SLC22A24: variants seen among roughly 807,000 people sequenced by gnomAD.
SLC22A24 encodes the protein steroid transmembrane transporter SLC22A24.
Under a neutral mutation model 49.8 loss-of-function variants are expected in SLC22A24, and 53 were observed. That is an observed-to-expected ratio of 1.06 (90% confidence interval 0.85 to 1.34). The LOEUF is 1.34. Ranked by LOEUF, SLC22A24 falls within the 40% of genes most tolerant of loss-of-function variation. The pLI, the probability that SLC22A24 is intolerant of heterozygous loss-of-function variation, is 0.00. For synonymous variants in SLC22A24, 302 were observed against 256.4 expected (o/e 1.18, Z -1.70); for missense variants, 786 against 675.9 (o/e 1.16, Z -1.81).
At chr11:63,110,114 C>G (rs2087151928) in intron 4 of SLC22A24, among the ~76,000 whole-genome samples, 1 of 151,654 alleles carries the variant, frequency 6.6e-6, no homozygotes, top group South Asian at 2.1e-4. Context: ...AATCCTTTCC[C>G]CATTGCTTGT....
At chr11:63,096,215 A>C in intron 5 of SLC22A24, 109 bp from the exon 6 acceptor site, 1 of 692,660 alleles carries the variant, frequency 1.4e-6, no homozygotes, top group Non-Finnish European at 2.5e-6. Flanking sequence ...ATCCTCAAGG[A>C]AATTTCTGTC....
chr11:63,120,844 G>T (rs2087246878), intron 2 of SLC22A24, among the ~76,000 whole-genome samples: 1 of 151,870 alleles, frequency 6.6e-6, no homozygotes, highest in Non-Finnish European at 1.5e-5. Flanking sequence ...TTTGTATGAG[G>T]CAACTTAGAA....
Position 63,134,693 on chromosome 11 carries a change from C to T in SLC22A24, c.478G>A (p.Gly160Ser), listed in dbSNP as rs772320422. The T allele has an allele frequency of 1.3e-6, 2 of 1,552,962 alleles. No individual in the cohort carries two copies. The highest frequency in any genetic ancestry group is 1.9e-5 in the Admixed American group (1 of 51,358). ...SLFMAGSLLGGLIYGHLSDRV... is the reference protein window; with the variant it reads ...SLFMAGSLLGSLIYGHLSDRV... ...TCTGAAAGATGGCCATATATTAGAC[C>T]TCCCAGAAGTGACCCAGCCATAAAT... Residue 160 changes from glycine to serine, a missense_variant, in exon 2 of 10, where the codon GGT (glycine) becomes AGT (serine). By Grantham distance (56) the Gly-to-Ser change is moderately conservative (BLOSUM62 0). Coordinates refer to ENST00000612278, the MANE Select transcript of SLC22A24 (RefSeq NM_001136506.2).
chr11:63,086,614 T>C (rs966983708), intron 6 of SLC22A24, among the ~76,000 whole-genome samples: 4 of 152,214 alleles, frequency 2.6e-5, no homozygotes, highest in African/African-American at 7.2e-5. Flanking sequence ...TAAAAAATTT[T>C]ATATTGAATT....
intron 4 of SLC22A24, among the ~76,000 whole-genome samples, chr11:63,113,912 G>A (rs1364322202): frequency 6.7e-6 from 1 of 149,742 alleles, no homozygotes; most frequent in Non-Finnish European, 1.5e-5. Flanking sequence ...CTGGCTTTTT[G>A]GGTTTCTGCC....
chr11:63,112,238 T>G (rs2087170883), intron 4 of SLC22A24, among the ~76,000 whole-genome samples: 1 of 152,222 alleles, frequency 6.6e-6, no homozygotes, highest in Admixed American at 6.5e-5. Flanking sequence ...TTTCTGTTCT[T>G]TTACATTTGC....
intron 2 of SLC22A24, among the ~76,000 whole-genome samples, chr11:63,120,429 T>C (rs2087243456): frequency 6.6e-6 from 1 of 151,280 alleles, no homozygotes. Flanking sequence ...AATGTGCACA[T>C]GTACCCTAAA....
chr11:63,124,425 A>G (rs183041985), intron 2 of SLC22A24, among the ~76,000 whole-genome samples: 43 of 152,344 alleles, frequency 2.8e-4, no homozygotes, highest in Non-Finnish European at 4.9e-4. Context: ...TTCTTTTTAA[A>G]GAAGTGAGCA....
chr11:63,113,053 T>TACAC lies in SLC22A24; in HGVS notation c.830+5858_830+5859insGTGT, dbSNP rs1555048851. 7.6e-3 allele frequency among the ~76,000 whole-genome samples: 32 copies of TACAC among 4,222 alleles called. 9 individuals carry two copies. Among genetic ancestry groups the TACAC allele is most frequent in the African/African-American group, 9.6e-3 (32 of 3,338 alleles). The allele number at this position is 4,222 out of a possible 152,430, so 2.8% of individuals were successfully genotyped here. A position where few individuals can be genotyped will look rare whatever the true frequency, so the allele number is the denominator to read the frequency against. On this transcript the variant is annotated intron_variant, in intron 4 of 9. Transcript: ENST00000612278. ...AAAAAAAAATATATATATATATATATACATATATATATATACATATATATA... is the reference window on the plus strand; with the variant it reads ...AAAAAAAAATATATATATATATATATACACACATATATATATATACATATATATA...
intron 7 of SLC22A24, among the ~76,000 whole-genome samples, chr11:63,082,271 C>T (rs948016099): frequency 1.7e-4 from 26 of 152,180 alleles, no homozygotes; most frequent in Non-Finnish European, 3.1e-4. Context: ...TAAAACCTAA[C>T]ATTATAAAAC....
At chr11:63,115,565 G>T (rs577160954) in intron 4 of SLC22A24, among the ~76,000 whole-genome samples, 2 of 152,134 alleles carry the variant, frequency 1.3e-5, no homozygotes, top group Non-Finnish European at 2.9e-5. Context: ...CCCTCCATGA[G>T]CTGCACCCAC....
intron 5 of SLC22A24, among the ~76,000 whole-genome samples, chr11:63,096,320 A>G (rs1262458519): frequency 1.3e-5 from 2 of 152,190 alleles, no homozygotes; most frequent in Non-Finnish European, 2.9e-5. Context: ...TTATATAGGA[A>G]TAAAACCAGG....
intron 4 of SLC22A24, chr11:63,116,015 A>G: frequency 3.0e-6 from 1 of 331,828 alleles, no homozygotes; most frequent in South Asian, 7.1e-5. Flanking sequence ...CATGGGCAAG[A>G]GCCTACTTCC....
rs1017545704 is a variant in SLC22A24 at position 63,080,965 on chromosome 11, G to A, written c.1553C>T (p.Thr518Ile). Residue 518 changes from threonine (T) to isoleucine (I), a missense_variant, in exon 9 of 10, where the codon ACC (threonine) becomes ATC (isoleucine). By Grantham distance (89) the Thr-to-Ile change is moderately conservative. Transcript: ENST00000612278. Reference protein sequence around the residue: ...AVPVILLLPETRDLPLPNTIQ... With the variant: ...AVPVILLLPEIRDLPLPNTIQ... The stretch of plus-strand genomic sequence containing the variant: ...GGTGTTAGGAAGAGGTAGATCCCTG[G>A]TTTCTGGAAGGAGGAGGATAACAGG... 2 of 1,552,594 alleles carry A rather than the reference G, an allele frequency of 1.3e-6. No homozygotes were observed. Among genetic ancestry groups the A allele is most frequent in the Non-Finnish European group, 1.7e-6 (2 of 1,147,574 alleles).
chr11:63,116,118 G>A (rs1467780092), intron 4 of SLC22A24: 2 of 422,176 alleles, frequency 4.7e-6, no homozygotes, highest in African/African-American at 4.1e-5. Context: ...CTTTATGAGG[G>A]CCTTGATAGC....
intron 6 of SLC22A24, among the ~76,000 whole-genome samples, chr11:63,085,158 A>G (rs1460852143): frequency 1.3e-5 from 2 of 152,106 alleles, no homozygotes; most frequent in Non-Finnish European, 2.9e-5. Flanking sequence ...TTTGAGGAAA[A>G]AATTAACATT....
chr11:63,119,165 C>A lies in SLC22A24; in HGVS notation c.661+16G>T, dbSNP rs376992697. The A allele has an allele frequency of 6.5e-7, 1 of 1,529,518 alleles. No homozygotes were observed. The highest frequency in any genetic ancestry group is 1.4e-5 in the African/African-American group (1 of 72,084). 94.7% of individuals were successfully genotyped at this position (1,529,518 alleles called of 1,614,324 possible). A position where few individuals can be genotyped will look rare whatever the true frequency, so the allele number is the denominator to read the frequency against. On this transcript the variant is annotated intron_variant, in intron 3 of 9. Coordinates refer to ENST00000612278, the MANE Select transcript of SLC22A24 (RefSeq NM_001136506.2). The stretch of plus-strand genomic sequence containing the variant: ...CAAGACATGGAGATGATAAAATGCT[C>A]AAATTATTGACTTACTGAGAATAAA...
intron 1 of SLC22A24, among the ~76,000 whole-genome samples, chr11:63,139,014 C>A (rs1208525174): frequency 6.6e-6 from 1 of 152,032 alleles, no homozygotes; most frequent in Non-Finnish European, 1.5e-5. Context: ...AATAAGAGAT[C>A]TGAAAGGATT....
chr11:63,129,643 T>C (rs1198304965), intron 2 of SLC22A24, among the ~76,000 whole-genome samples: 1 of 152,200 alleles, frequency 6.6e-6, no homozygotes, highest in African/African-American at 2.4e-5. Flanking sequence ...TGTGTCCTCT[T>C]TTATTTTGTT....
Sources: gnomAD v4.1 joint callset for allele counts (sites outside exome capture counted in the v4.1 genomes callset) on GRCh38, gnomAD v4.1.1 for gene constraint, MANE v1.5 for transcripts, NCBI Gene and HGNC (gene_info 2026-07-23, HGNC 2026-07-21) for gene names.